Variants in ZBBX observed in about 807,000 individuals in gnomAD.
ZBBX encodes zinc finger B-box domain containing, also known as zinc finger B-box domain-containing protein 1.
ZBBX carries 101 observed loss-of-function variants against 108.5 expected under a neutral mutation model. The observed-to-expected ratio is 0.93, with a 90% confidence interval of 0.79 to 1.10. ZBBX has a LOEUF of 1.10. Among genes scored for constraint, ZBBX ranks in the 50% least tolerant of loss-of-function variants. The pLI, the probability that ZBBX is intolerant of heterozygous loss-of-function variation, is 0.00. For synonymous variants in ZBBX, 356 were observed against 323.4 expected (o/e 1.10, Z -1.08); for missense variants, 1,009 against 941.4 (o/e 1.07, Z -0.94).
chr3:167,300,924 T>C (rs1007809336), intron 17 of ZBBX, among the ~76,000 whole-genome samples: 1 of 151,716 alleles, frequency 6.6e-6, no homozygotes, highest in Non-Finnish European at 1.5e-5. Flanking sequence ...CCTTTTTTTT[T>C]TTTTTTTTTA....
At chr3:167,386,838 T>C (rs563473841) in intron 1 of ZBBX, among the ~76,000 whole-genome samples, 52 of 152,186 alleles carry the variant, frequency 3.4e-4, no homozygotes, top group Non-Finnish European at 6.8e-4. Flanking sequence ...ATTTTTCTCT[T>C]ATGCACTCAA....
At chr3:167,355,889 G>C (rs553972365) in intron 8 of ZBBX, among the ~76,000 whole-genome samples, 2 of 152,076 alleles carry the variant, frequency 1.3e-5, no homozygotes, top group African/African-American at 4.8e-5. Context: ...AGGTAAATCA[G>C]CTGTTTAATC....
chr3:167,368,634 A>G (rs1261114528), intron 4 of ZBBX, 60 bp from the exon 5 acceptor site: 6 of 1,418,148 alleles, frequency 4.2e-6, no homozygotes, highest in Non-Finnish European at 5.6e-6. Context: ...AAATAATTTT[A>G]TATAATCTTT....
intron 1 of ZBBX, among the ~76,000 whole-genome samples, chr3:167,402,502 T>C (rs1021767168): frequency 1.3e-5 from 2 of 152,126 alleles, no homozygotes; most frequent in African/African-American, 4.8e-5. Flanking sequence ...CCAGTGTTAA[T>C]CCTCTAACCC....
At chr3:167,252,960 T>G in intron 20 of ZBBX, among the ~76,000 whole-genome samples, 1 of 152,216 alleles carries the variant, frequency 6.6e-6, no homozygotes, top group Non-Finnish European at 1.5e-5. Context: ...CAGTTCAGAC[T>G]TCACATACTT....
chr3:167,394,243 T>C (rs1748163513), intron 1 of ZBBX, among the ~76,000 whole-genome samples: 1 of 151,978 alleles, frequency 6.6e-6, no homozygotes, highest in South Asian at 2.1e-4. Flanking sequence ...AAAGGGTTTT[T>C]CAGTGTTCTC....
At chr3:167,194,255 T>C in the ZBBX span, among the ~76,000 whole-genome samples, 1 of 150,182 alleles carries the variant, frequency 6.7e-6, no homozygotes, top group Non-Finnish European at 1.5e-5. Flanking sequence ...TATATATGTA[T>C]ATTCATTTTT....
At chr3:167,196,877 G>A in the ZBBX span, among the ~76,000 whole-genome samples, 10 of 151,934 alleles carry the variant, frequency 6.6e-5, no homozygotes, top group Admixed American at 5.2e-4. Context: ...AGATATTATC[G>A]AATTCATTCA....
chr3:167,322,054 A>G, intron 12 of ZBBX, 63 bp downstream of exon 12: 1 of 1,008,688 alleles, frequency 9.9e-7, no homozygotes, highest in Non-Finnish European at 1.3e-6. Context: ...AAGGCATGTC[A>G]TACAAGAAAG....
At chr3:167,187,569 A>G in the ZBBX span, among the ~76,000 whole-genome samples, 1 of 152,206 alleles carries the variant, frequency 6.6e-6, no homozygotes, top group Non-Finnish European at 1.5e-5. Context: ...AGCACCTTCC[A>G]TTGTCACACT....
At chr3:167,224,705 T>G in the ZBBX span, among the ~76,000 whole-genome samples, 1 of 151,898 alleles carries the variant, frequency 6.6e-6, no homozygotes, top group East Asian at 1.9e-4. Context: ...ATTTGGAAAA[T>G]AGTATGACAT....
At chr3:167,265,273 A>G (rs533409169) in intron 20 of ZBBX, among the ~76,000 whole-genome samples, 1 of 152,286 alleles carries the variant, frequency 6.6e-6, no homozygotes, top group African/African-American at 2.4e-5. Context: ...TCAGGGTCTG[A>G]GGGCTCTTCA....
At chr3:167,232,861 G>A in the ZBBX span, among the ~76,000 whole-genome samples, 2 of 151,792 alleles carry the variant, frequency 1.3e-5, no homozygotes, top group Admixed American at 6.6e-5. Context: ...AAGAGGTCTG[G>A]TGAGAACACC....
At position 167,243,559 on chromosome 3, in the gene ZBBX, C is replaced by T. The variant is rs189892876; in HGVS notation, c.2255-916G>A. Among the ~76,000 whole-genome samples the T allele has an allele frequency of 1.8e-3, 278 of 152,024 alleles. 2 individuals are homozygous for T. Among genetic ancestry groups the T allele is most frequent in the Non-Finnish European group, 2.2e-3 (151 of 68,000 alleles). ...GATTATAGGCATGTGCCACCACACC[C>T]GGCTAATTTTGTATTTTTAGTAGAG... On this transcript the variant is annotated intron_variant, in intron 20 of 21. Transcript: ENST00000675490.
Position 167,328,028 on chromosome 3 carries a change from G to A in ZBBX, c.776C>T (p.Ala259Val). Residue 259 changes from alanine (A) to valine (V), a missense_variant, in exon 11 of 22, where the codon GCA becomes GTA. Transcript: ENST00000675490. ...CEGSFDEEASAQSFQEVLSQW... is the reference protein window; with the variant it reads ...CEGSFDEEASVQSFQEVLSQW... ...ACTTAACACTTCCTGAAAGGACTGT[G>A]CAGAAGCTTCTTCATCGAATGACCC... is the stretch of plus-strand genomic sequence containing the variant. The A allele has an allele frequency of 1.2e-6, 2 of 1,613,440 alleles. No homozygotes were observed. Among genetic ancestry groups the A allele is most frequent in the Non-Finnish European group, 1.7e-6 (2 of 1,179,902 alleles).
intron 20 of ZBBX, among the ~76,000 whole-genome samples, chr3:167,260,156 G>A (rs545325144): frequency 6.6e-6 from 1 of 152,248 alleles, no homozygotes; most frequent in South Asian, 2.1e-4. Flanking sequence ...GCTGAAGATA[G>A]GGCCCCAATC....
intron 16 of ZBBX, among the ~76,000 whole-genome samples, chr3:167,313,613 T>C (rs915793524): frequency 2.0e-5 from 3 of 152,086 alleles, no homozygotes; most frequent in Non-Finnish European, 4.4e-5. Context: ...TCATCTCTCA[T>C]GTGAAACTTT....
the ZBBX span, among the ~76,000 whole-genome samples, chr3:167,198,360 C>T: frequency 6.6e-6 from 1 of 151,858 alleles, no homozygotes; most frequent in Admixed American, 6.6e-5. Flanking sequence ...GTTTTATTGT[C>T]ACAGACACAT....
chr3:167,267,275 G>A (rs866986483), intron 20 of ZBBX, among the ~76,000 whole-genome samples: 1 of 152,264 alleles, frequency 6.6e-6, no homozygotes, highest in East Asian at 1.9e-4. Flanking sequence ...AGTGGACGAA[G>A]CTAAAGAAGG....
Sources: allele counts gnomAD v4.1 joint callset (sites outside exome capture counted in the v4.1 genomes callset), GRCh38; gene constraint gnomAD v4.1.1; transcripts MANE v1.5; gene names NCBI Gene and HGNC (gene_info 2026-07-23, HGNC 2026-07-21).